Variants in FOXP2 observed in about 807,000 individuals in gnomAD.
FOXP2 encodes the protein forkhead box protein P2.
FOXP2 carries 12 observed loss-of-function variants against 115.8 expected under a neutral mutation model. The ratio of observed to expected loss-of-function variants is 0.10; its 90% CI spans 0.07 to 0.17. FOXP2 has a LOEUF of 0.17. Ranked by LOEUF, FOXP2 falls within the 10% of genes least tolerant of loss-of-function variation. The probability of loss-of-function intolerance (pLI) is 1.00; values close to 1 mark genes in which losing one functional copy is unlikely to be tolerated. For missense variants in FOXP2, 629 were observed against 843.5 expected (o/e 0.75, Z 3.15); for synonymous variants, 328 against 297.7 (o/e 1.10, Z -1.05).
intron 3 of FOXP2, among the ~76,000 whole-genome samples, chr7:114,599,244 A>G (rs914143716): frequency 6.6e-6 from 1 of 152,084 alleles, no homozygotes; most frequent in Non-Finnish European, 1.5e-5. Context: ...GGAAGTTCCC[A>G]TCTGTTTCTA....
chr7:114,281,010 C>T (rs1295584520), intron 1 of FOXP2, among the ~76,000 whole-genome samples: 4 of 151,690 alleles, frequency 2.6e-5, no homozygotes, highest in Non-Finnish European at 5.9e-5. Context: ...ATCTCTGTCT[C>T]TCTAGCAGAT....
At chr7:114,642,350 T>C (rs1805580325) in intron 6 of FOXP2, 60 bp from the exon 7 acceptor site, 1 of 1,324,386 alleles carries the variant, frequency 7.6e-7, no homozygotes, top group African/African-American at 1.5e-5. Flanking sequence ...AACACAAAGC[T>C]CATTATATAA....
chr7:114,636,361 A>G (rs981161962), intron 6 of FOXP2, among the ~76,000 whole-genome samples: 4 of 152,182 alleles, frequency 2.6e-5, no homozygotes, highest in East Asian at 1.9e-4. Flanking sequence ...ACTGAAAAGT[A>G]CATAGTAATA....
intron 1 of FOXP2, among the ~76,000 whole-genome samples, chr7:114,166,416 A>G (rs535808345): frequency 3.7e-4 from 57 of 152,262 alleles, no homozygotes; most frequent in African/African-American, 1.3e-3. Flanking sequence ...TAATAAGAAA[A>G]CATATGGCCA....
chr7:114,195,736 C>T (rs944691587), intron 1 of FOXP2, among the ~76,000 whole-genome samples: 6 of 151,902 alleles, frequency 3.9e-5, no homozygotes, highest in Admixed American at 3.3e-4. Context: ...ACATTTATTC[C>T]GTCCAGGAAG....
At chr7:114,641,232 G>C (rs1164743434) in intron 6 of FOXP2, among the ~76,000 whole-genome samples, 1 of 152,038 alleles carries the variant, frequency 6.6e-6, no homozygotes, top group Admixed American at 6.6e-5. Context: ...AAAAGCACAA[G>C]GTCTATAAAA....
At chr7:114,563,411 TTTTGTTAAC>T (rs1800849721) in intron 3 of FOXP2, among the ~76,000 whole-genome samples, 1 of 152,214 alleles carries the variant, frequency 6.6e-6, no homozygotes, top group Admixed American at 6.5e-5. Flanking sequence ...CTACAACTTT[TTTTGTTAAC>T]TTTTATATCA....
At chr7:114,491,202 C>T (rs1562957343) in intron 2 of FOXP2, among the ~76,000 whole-genome samples, 1 of 152,182 alleles carries the variant, frequency 6.6e-6, no homozygotes, top group Admixed American at 6.5e-5. Context: ...ATCATTCTAA[C>T]TGGTGTGAGA....
chr7:114,280,592 G>C (rs1412945266), intron 1 of FOXP2, among the ~76,000 whole-genome samples: 1 of 152,036 alleles, frequency 6.6e-6, no homozygotes, highest in Non-Finnish European at 1.5e-5. Flanking sequence ...TGAAAAGTGA[G>C]ATACAGTAAC....
At chr7:114,124,271 A>G (rs1791645286) in intron 1 of FOXP2, among the ~76,000 whole-genome samples, 1 of 152,078 alleles carries the variant, frequency 6.6e-6, no homozygotes, top group Non-Finnish European at 1.5e-5. Context: ...CAATAAATTT[A>G]GGGGCATTTT....
chr7:114,481,245 C>T (rs1796522985), intron 2 of FOXP2, among the ~76,000 whole-genome samples: 1 of 151,140 alleles, frequency 6.6e-6, no homozygotes, highest in Non-Finnish European at 1.5e-5. Flanking sequence ...CCTGCCCCCT[C>T]ATGTACATAT....
chr7:114,124,472 C>T (rs1025028100), intron 1 of FOXP2, among the ~76,000 whole-genome samples: 1 of 151,946 alleles, frequency 6.6e-6, no homozygotes, highest in Admixed American at 6.6e-5. Flanking sequence ...CTTGTACTAT[C>T]TGGAAATGTA....
At chr7:114,549,420 G>A (rs934719883) in intron 3 of FOXP2, among the ~76,000 whole-genome samples, 2 of 152,276 alleles carry the variant, frequency 1.3e-5, no homozygotes, top group African/African-American at 4.8e-5. Context: ...GGGAATAGAA[G>A]GAGGACAGGA....
chr7:114,636,955 C>T (rs1375702959), intron 6 of FOXP2, among the ~76,000 whole-genome samples: 5 of 152,116 alleles, frequency 3.3e-5, no homozygotes, highest in African/African-American at 9.7e-5. Flanking sequence ...TGGAGGATCA[C>T]TTCAGCCCAG....
At chr7:114,232,316 A>G (rs781440708) in intron 1 of FOXP2, among the ~76,000 whole-genome samples, 1 of 152,198 alleles carries the variant, frequency 6.6e-6, no homozygotes, top group Non-Finnish European at 1.5e-5. Context: ...GATTCTTCCA[A>G]AAATTAAAAA....
At position 114,692,352 on chromosome 7, in the gene FOXP2, T is replaced by A. The variant is rs1330938848; in HGVS notation, c.*2426T>A. 4.4e-6 allele frequency: 2 copies of A among 453,762 alleles called. No individual in the cohort carries two copies. Among genetic ancestry groups the A allele is most frequent in the East Asian group, 1.4e-4 (2 of 14,408 alleles). 28.1% of individuals were successfully genotyped at this position (453,762 alleles called of 1,614,324 possible). Reference sequence around the variant, plus strand: ...CATGGGTTTTATATGAATACAATTTTAAAAAATAGCTGCTTGCACATTATA... The same window carrying A: ...CATGGGTTTTATATGAATACAATTTAAAAAAATAGCTGCTTGCACATTATA... On this transcript the variant is annotated 3_prime_UTR_variant, in exon 17 of 17. Coordinates refer to ENST00000350908, the MANE Select transcript of FOXP2 (RefSeq NM_014491.4).
chr7:114,646,060 T>TTAAAA (rs1805863956), intron 8 of FOXP2, among the ~76,000 whole-genome samples: 1 of 85,662 alleles, frequency 1.2e-5, no homozygotes, highest in Non-Finnish European at 2.3e-5. Context: ...TTTTCTTCTC[T>TTAAAA]AAAAAAAAAA....
chr7:114,648,689 G>GCTTA (rs2129336222), intron 8 of FOXP2, among the ~76,000 whole-genome samples: 1 of 152,138 alleles, frequency 6.6e-6, no homozygotes, highest in Non-Finnish European at 1.5e-5. Flanking sequence ...GAATTTGACT[G>GCTTA]CTTATTATGT....
chr7:114,166,067 A>G (rs935045666), intron 1 of FOXP2, among the ~76,000 whole-genome samples: 1 of 152,194 alleles, frequency 6.6e-6, no homozygotes, highest in Non-Finnish European at 1.5e-5. Context: ...GTGTTAAAAA[A>G]GTTAATCTAG....
Sources: allele counts gnomAD v4.1 joint callset (sites outside exome capture counted in the v4.1 genomes callset), GRCh38; gene constraint gnomAD v4.1.1; transcripts MANE v1.5; gene names NCBI Gene and HGNC (gene_info 2026-07-23, HGNC 2026-07-21).